The following KSR2 variants were observed in gnomAD, a reference collection of about 807,000 sequenced individuals.
KSR2 encodes the protein kinase suppressor of ras 2.
In KSR2, 25 loss-of-function variants were observed where a neutral mutation model predicts 107.8. The ratio of observed to expected loss-of-function variants is 0.23; its 90% CI spans 0.17 to 0.32. The LOEUF is 0.32. Ranked by LOEUF, KSR2 falls within the 10% of genes least tolerant of loss-of-function variation. The pLI is 1.00. For missense variants in KSR2, 887 were observed against 1,268.9 expected (o/e 0.70, Z 4.57); for synonymous variants, 480 against 507.0 (o/e 0.95, Z 0.71).
intron 4 of KSR2, among the ~76,000 whole-genome samples, chr12:117,751,352 G>A (rs988523225): frequency 6.6e-6 from 1 of 152,094 alleles, no homozygotes; most frequent in Non-Finnish European, 1.5e-5. Flanking sequence ...GCGTGAGAAC[G>A]GACTAATACA....
chr12:117,599,914 C>T (rs960686154), intron 5 of KSR2, among the ~76,000 whole-genome samples: 1 of 152,148 alleles, frequency 6.6e-6, no homozygotes, highest in Non-Finnish European at 1.5e-5. Flanking sequence ...CAAAAGATCC[C>T]ACCTAATATT....
chr12:117,902,033 T>C (rs1894699104), intron 1 of KSR2, among the ~76,000 whole-genome samples: 1 of 152,254 alleles, frequency 6.6e-6, no homozygotes, highest in Non-Finnish European at 1.5e-5. Flanking sequence ...CAGCATGTAG[T>C]CACCAGTCAA....
chr12:117,472,869 A>C (rs536702818), intron 17 of KSR2, among the ~76,000 whole-genome samples: 15 of 152,262 alleles, frequency 9.9e-5, no homozygotes, highest in African/African-American at 3.6e-4. Context: ...TGCTTTGACT[A>C]CTTGGGGCTC....
rs763152539 is a variant in KSR2 at position 117,531,675 on chromosome 12, T to C, written c.1720A>G (p.Ile574Val). 1.9e-6 allele frequency: 3 copies of C among 1,604,118 alleles called. No individual in the cohort carries two copies. The highest frequency in any genetic ancestry group is 2.7e-5 in the African/African-American group (2 of 74,226). ...SHYYKYKQQF[I>V]FPDVVPVPET... Reference sequence around the variant, plus strand: ...CTCACATGAAACTCACCTGGGAAGATGAACTGCTGCTTGTATTTGTAGTAG... The same window carrying C: ...CTCACATGAAACTCACCTGGGAAGACGAACTGCTGCTTGTATTTGTAGTAG... The change falls in exon 11 of 20, where the codon ATC becomes GTC. Residue 574 changes from isoleucine (I) to valine (V), a missense_variant. Ile to Val is a conservative substitution (Grantham distance 29). Around this residue, in one of 8 missense-constraint regions of KSR2, gnomAD observed 308 missense variants for 506.2 expected, o/e 0.61. Coordinates refer to ENST00000339824, the MANE Select transcript of KSR2 (RefSeq NM_173598.6).
intron 1 of KSR2, among the ~76,000 whole-genome samples, chr12:117,861,680 G>T (rs370922886): frequency 1.4e-4 from 21 of 151,964 alleles, no homozygotes; most frequent in African/African-American, 4.3e-4. Context: ...GAGCCACCGC[G>T]CCCAGCCGAG....
chr12:117,562,988 TAC>T (rs567585140), intron 7 of KSR2, among the ~76,000 whole-genome samples: 10 of 152,208 alleles, frequency 6.6e-5, no homozygotes, highest in Non-Finnish European at 1.0e-4. Flanking sequence ...ACCCTGAAAT[TAC>T]ACAGACTCTG....
intron 3 of KSR2, among the ~76,000 whole-genome samples, chr12:117,851,243 T>C (rs1190963850): frequency 6.6e-6 from 1 of 152,098 alleles, no homozygotes; most frequent in Non-Finnish European, 1.5e-5. Flanking sequence ...GGGAGGCCTA[T>C]GTGGAGGTAG....
At chr12:117,927,394 A>T (rs927380184) in intron 1 of KSR2, among the ~76,000 whole-genome samples, 1 of 145,148 alleles carries the variant, frequency 6.9e-6, no homozygotes, top group Non-Finnish European at 1.5e-5. Flanking sequence ...ACAACAAAAA[A>T]AAAAGGACCA....
At position 117,847,709 on chromosome 12, in the gene KSR2, G is replaced by T. The variant is rs537972748; in HGVS notation, c.472+7719C>A. ...CCGTGGGGGCTGGCCCTGCCCACCT[G>T]TCTGGCTCCAGCTCCCACCACTCTC... On this transcript the variant is annotated intron_variant, in intron 3 of 19. Transcript: ENST00000339824. 2.0e-5 allele frequency among the ~76,000 whole-genome samples: 3 copies of T among 152,294 alleles called. No homozygotes were observed. The South Asian group carries it at 6.2e-4, about 32-fold the overall frequency.
Position 117,488,056 on chromosome 12 carries a change from A to C in KSR2, c.2220-2365T>G, listed in dbSNP as rs1344680177. Among the ~76,000 whole-genome samples the C allele has an allele frequency of 2.6e-5, 4 of 152,262 alleles. No homozygotes were observed. In the East Asian group the frequency reaches 7.7e-4, roughly 29 times the overall value. On this transcript the variant is annotated intron_variant, in intron 14 of 19. Transcript: ENST00000339824. The stretch of plus-strand genomic sequence containing the variant: ...CATACTGTTCTCCTGGTATTGAATA[A>C]GTCTCATGAGATCTGATGGTTTTAT...
intron 1 of KSR2, among the ~76,000 whole-genome samples, chr12:117,901,799 G>A (rs550246777): frequency 5.9e-5 from 9 of 152,102 alleles, no homozygotes; most frequent in Non-Finnish European, 1.3e-4. Context: ...CGCTGGGTGG[G>A]TTTACGAGGG....
intron 7 of KSR2, among the ~76,000 whole-genome samples, chr12:117,576,372 G>C (rs1172553607): frequency 6.6e-6 from 1 of 152,178 alleles, no homozygotes; most frequent in East Asian, 1.9e-4. Context: ...CAGACCTAAA[G>C]GCCCAGCCTT....
chr12:117,825,397 G>C (rs1268190823), intron 3 of KSR2, among the ~76,000 whole-genome samples: 1 of 152,092 alleles, frequency 6.6e-6, no homozygotes, highest in Non-Finnish European at 1.5e-5. Flanking sequence ...AGGTGCATGG[G>C]TCGGGGCATA....
At chr12:117,904,001 AAATC>A (rs201636015) in intron 1 of KSR2, among the ~76,000 whole-genome samples, 6 of 152,182 alleles carry the variant, frequency 3.9e-5, no homozygotes, top group Non-Finnish European at 2.9e-5. Flanking sequence ...TACATCTCAA[AAATC>A]AATCAATCAA....
At chr12:117,780,025 C>G (rs916882173) in intron 3 of KSR2, among the ~76,000 whole-genome samples, 1 of 152,152 alleles carries the variant, frequency 6.6e-6, no homozygotes, top group African/African-American at 2.4e-5. Context: ...TCACACCCTA[C>G]CCAGCAGGTT....
At chr12:117,701,823 G>T (rs549026233) in intron 4 of KSR2, among the ~76,000 whole-genome samples, 1 of 152,160 alleles carries the variant, frequency 6.6e-6, no homozygotes, top group Non-Finnish European at 1.5e-5. Context: ...AGCAACGGAG[G>T]CTGCATGAGG....
At chr12:117,762,316 C>CACTTCCTCAGCCACCGCAT (rs1421424625) in intron 3 of KSR2, among the ~76,000 whole-genome samples, 10 of 152,190 alleles carry the variant, frequency 6.6e-5, no homozygotes, top group African/African-American at 2.2e-4. Flanking sequence ...CCTCCCTGAC[C>CACTTCCTCAGCCACCGCAT]ACTTCCTCAG....
At chr12:117,821,501 A>G (rs1463324392) in intron 3 of KSR2, among the ~76,000 whole-genome samples, 1 of 152,210 alleles carries the variant, frequency 6.6e-6, no homozygotes, top group Non-Finnish European at 1.5e-5. Flanking sequence ...ACGTATATTC[A>G]TAACATACAA....
intron 3 of KSR2, among the ~76,000 whole-genome samples, chr12:117,786,828 G>C (rs925858795): frequency 2.0e-5 from 3 of 151,578 alleles, no homozygotes; most frequent in Admixed American, 2.0e-4. Flanking sequence ...TCGGGAGTTC[G>C]AGACCAGCCT....
Sources: gnomAD v4.1 joint callset for allele counts (sites outside exome capture counted in the v4.1 genomes callset) on GRCh38, gnomAD v4.1.1 for gene constraint, gnomAD v4.1.1 regional missense constraint, MANE v1.5 for transcripts, NCBI Gene and HGNC (gene_info 2026-07-23, HGNC 2026-07-21) for gene names.